Variants in PCDH9 observed in about 807,000 individuals in gnomAD.
PCDH9 encodes protocadherin 9.
In PCDH9, 24 loss-of-function variants were observed where a neutral mutation model predicts 70.6. The observed-to-expected ratio is 0.34, with a 90% confidence interval of 0.25 to 0.48. The LOEUF is 0.48. Among genes scored for constraint, PCDH9 ranks in the 20% least tolerant of loss-of-function variants. The pLI, the probability that PCDH9 is intolerant of heterozygous loss-of-function variation, is 0.99. For missense variants in PCDH9, 1,281 were observed against 1,503.6 expected, an observed-to-expected ratio of 0.85 and a Z score of 2.45; for synonymous variants, 562 against 558.5, an observed-to-expected ratio of 1.01 and a Z score of -0.09.
chr13:66,617,332 C>G (rs995170376), intron 4 of PCDH9, among the ~76,000 whole-genome samples: 2 of 152,162 alleles, frequency 1.3e-5, no homozygotes, highest in African/African-American at 2.4e-5. Context: ...CCACGGATGC[C>G]TGCTACTCTC....
intron 4 of PCDH9, among the ~76,000 whole-genome samples, chr13:66,556,840 A>G (rs1961760847): frequency 6.6e-6 from 1 of 152,136 alleles, no homozygotes; most frequent in Non-Finnish European, 1.5e-5. Flanking sequence ...ATTTCATAAC[A>G]AAAAGGGCAA....
chr13:66,439,172 C>A (rs186362951), intron 4 of PCDH9, among the ~76,000 whole-genome samples: 10 of 152,202 alleles, frequency 6.6e-5, no homozygotes, highest in African/African-American at 2.4e-4. Context: ...GTTTCTAGCC[C>A]AATCTTGTGT....
intron 2 of PCDH9, among the ~76,000 whole-genome samples, chr13:67,112,474 T>C (rs2086676166): frequency 6.6e-6 from 1 of 152,168 alleles, no homozygotes; most frequent in South Asian, 2.1e-4. Context: ...TGCATCATAA[T>C]CTTGCATGGA....
intron 4 of PCDH9, among the ~76,000 whole-genome samples, chr13:66,490,100 A>G (rs1037488096): frequency 3.7e-4 from 57 of 152,296 alleles, no homozygotes; most frequent in Admixed American, 3.7e-3. Flanking sequence ...CACTTACATT[A>G]GGTATTTCTC....
At chr13:66,999,416 A>G (rs900000685) in intron 2 of PCDH9, among the ~76,000 whole-genome samples, 7 of 152,192 alleles carry the variant, frequency 4.6e-5, no homozygotes, top group Non-Finnish European at 1.0e-4. Context: ...TTGAATTTTT[A>G]AACTAAATAT....
intron 4 of PCDH9, among the ~76,000 whole-genome samples, chr13:66,483,790 A>AATG (rs1238089694): frequency 6.6e-6 from 1 of 152,022 alleles, no homozygotes; most frequent in African/African-American, 2.4e-5. Flanking sequence ...TTCCTGCTCA[A>AATG]ATGTTGCATT....
intron 2 of PCDH9, among the ~76,000 whole-genome samples, chr13:66,934,382 A>C (rs1295087004): frequency 6.6e-6 from 1 of 151,764 alleles, no homozygotes; most frequent in Non-Finnish European, 1.5e-5. Context: ...TCTAGTAAAA[A>C]CACAAAAAAT....
rs746582576 is a variant in PCDH9 at position 67,227,049 on chromosome 13, G to T, written c.1392C>A (p.Asp464Glu). 6.2e-7 allele frequency: 1 copy of T among 1,614,094 alleles called. No homozygotes were observed. ...CAGGCTGGTTGAAAATTGGTGGGTT[G>T]TCATTTTCATCCTCAAGCTTAACCC... ...LVRVKLEDEN[D>E]NPPIFNQPVI... The change falls in exon 2 of 5, where the codon GAC becomes GAA. Residue 464 changes from aspartate (D) to glutamate (E), a missense_variant. Asp to Glu is a conservative substitution (Grantham distance 45). This residue lies in a region of PCDH9 where 798 missense variants were observed against 1,003.1 expected (regional missense o/e 0.80). Transcript: ENST00000377865. The surrounding 1 kb of genome is among the most constrained non-coding windows in gnomAD (Gnocchi z 4.6).
intron 2 of PCDH9, among the ~76,000 whole-genome samples, chr13:67,151,134 G>A (rs1000709402): frequency 6.6e-6 from 1 of 151,898 alleles, no homozygotes; most frequent in Non-Finnish European, 1.5e-5. Context: ...CTTCTTGAGG[G>A]TCTCTTTGGC....
At chr13:66,678,932 T>C (rs953865311) in intron 3 of PCDH9, among the ~76,000 whole-genome samples, 7 of 151,458 alleles carry the variant, frequency 4.6e-5, no homozygotes, top group Non-Finnish European at 8.8e-5. Flanking sequence ...GGCATCAAGT[T>C]AGGCGACTGG....
At chr13:66,982,459 G>T (rs1353514516) in intron 2 of PCDH9, among the ~76,000 whole-genome samples, 3 of 152,196 alleles carry the variant, frequency 2.0e-5, no homozygotes, top group Non-Finnish European at 2.9e-5. Flanking sequence ...GCATAGGCAA[G>T]TATTTGAATA....
intron 2 of PCDH9, among the ~76,000 whole-genome samples, chr13:67,008,511 C>T (rs2084395073): frequency 6.6e-6 from 1 of 152,108 alleles, no homozygotes; most frequent in Non-Finnish European, 1.5e-5. Context: ...ACCCCACTGG[C>T]TACTATAGAC....
In PCDH9 at chr13:67,225,851, T is replaced by G; in HGVS notation, c.2590A>C (p.Lys864Gln). Residue 864 changes from lysine to glutamine, a missense_variant, in exon 2 of 5, where the codon AAG becomes CAG. Lys to Gln is a moderately conservative substitution (Grantham distance 53, BLOSUM62 1). This residue lies in a region of PCDH9 where 207 missense variants were observed against 191.8 expected (regional missense o/e 1.08). Coordinates refer to ENST00000377865, the MANE Select transcript of PCDH9 (RefSeq NM_203487.3). ...AEWMSPNQEN[K>Q]QNKKKKRKKR... ...TTTCTTTTCTTTTTCTTGTTTTGCT[T>G]GTTCTCCTGGTTTGGGGACATCCAT... 1 of 1,614,136 alleles carries G rather than the reference T, an allele frequency of 6.2e-7. No individual in the cohort carries two copies. Among genetic ancestry groups the G allele is most frequent in the Non-Finnish European group, 8.5e-7 (1 of 1,180,030 alleles).
At chr13:67,044,761 G>C (rs2085190043) in intron 2 of PCDH9, among the ~76,000 whole-genome samples, 1 of 152,106 alleles carries the variant, frequency 6.6e-6, no homozygotes, top group African/African-American at 2.4e-5. Flanking sequence ...AAGGTGGTGA[G>C]GGAGTCCCTT....
At chr13:66,919,111 T>C (rs923781196) in intron 2 of PCDH9, among the ~76,000 whole-genome samples, 2 of 151,304 alleles carry the variant, frequency 1.3e-5, no homozygotes, top group East Asian at 1.9e-4. Flanking sequence ...GTCTATATTA[T>C]TGGTTATTTT....
At chr13:67,017,519 A>G (rs1175365486) in intron 2 of PCDH9, among the ~76,000 whole-genome samples, 2 of 152,194 alleles carry the variant, frequency 1.3e-5, no homozygotes, top group South Asian at 4.1e-4. Context: ...CCCACCTGTT[A>G]CTGTGTGTGT....
At chr13:66,338,053 T>A (rs1956065895) in intron 4 of PCDH9, among the ~76,000 whole-genome samples, 1 of 152,110 alleles carries the variant, frequency 6.6e-6, no homozygotes, top group Admixed American at 6.6e-5. Context: ...GCCTTGTGAC[T>A]TTAGGAAGTT....
At chr13:67,093,557 T>C (rs2086261166) in intron 2 of PCDH9, among the ~76,000 whole-genome samples, 2 of 152,112 alleles carry the variant, frequency 1.3e-5, no homozygotes, top group Non-Finnish European at 2.9e-5. Flanking sequence ...GAGTAACAGA[T>C]TTTAGATAAA....
chr13:66,975,333 A>G (rs1253684735), intron 2 of PCDH9, among the ~76,000 whole-genome samples: 1 of 152,038 alleles, frequency 6.6e-6, no homozygotes, highest in Non-Finnish European at 1.5e-5. Flanking sequence ...AATTATCTCA[A>G]TGGATTTTTT....
Sources: gnomAD v4.1 joint callset for allele counts (sites outside exome capture counted in the v4.1 genomes callset) on GRCh38, gnomAD v4.1.1 for gene constraint, gnomAD v4.1.1 regional missense constraint, Gnocchi (gnomAD v3.1) non-coding constraint, MANE v1.5 for transcripts, NCBI Gene and HGNC (gene_info 2026-07-23, HGNC 2026-07-21) for gene names.